The following CRY1 variants were observed in gnomAD, a reference collection of about 807,000 sequenced individuals.
CRY1 encodes cryptochrome circadian regulator 1.
A neutral mutation model predicts 76.0 loss-of-function variants in CRY1; 45 were observed. That is an observed-to-expected ratio of 0.59 (90% CI 0.47 to 0.76). The LOEUF is 0.76. Among genes scored for constraint, CRY1 ranks in the 30% least tolerant of loss-of-function variants. The pLI is 0.00. For missense variants in CRY1, 587 were observed against 716.4 expected, an observed-to-expected ratio of 0.82 and a Z score of 2.06; for synonymous variants, 248 against 244.0, an observed-to-expected ratio of 1.02 and a Z score of -0.15.
chr12:107,022,070 A>G lies in CRY1; in HGVS notation c.267+14T>C. 1 of 1,558,912 alleles carries G rather than the reference A, an allele frequency of 6.4e-7. No homozygotes were observed. Among genetic ancestry groups the G allele is most frequent in the Non-Finnish European group, 8.8e-7 (1 of 1,137,196 alleles). ...TGAGAAAAGATTGTTTTATGCAAATATTTTTCAAATTACCTTGAAAAGCCT... is the reference window on the plus strand; with the variant it reads ...TGAGAAAAGATTGTTTTATGCAAATGTTTTTCAAATTACCTTGAAAAGCCT... On this transcript the variant is annotated intron_variant, in intron 2 of 12. Coordinates refer to ENST00000008527, the MANE Select transcript of CRY1 (RefSeq NM_004075.5).
chr12:107,077,473 T>C (rs1953271051), intron 1 of CRY1, among the ~76,000 whole-genome samples: 1 of 152,176 alleles, frequency 6.6e-6, no homozygotes. Context: ...CCACGGCCAT[T>C]TAATAGGAAA....
At chr12:107,089,850 C>T (rs1953449505) in intron 1 of CRY1, among the ~76,000 whole-genome samples, 1 of 152,100 alleles carries the variant, frequency 6.6e-6, no homozygotes, top group South Asian at 2.1e-4. Context: ...CAAGATATCA[C>T]TATATTCAAC....
chr12:107,016,623 A>T (rs1281005981), intron 2 of CRY1, among the ~76,000 whole-genome samples: 1 of 152,186 alleles, frequency 6.6e-6, no homozygotes, highest in East Asian at 1.9e-4. Context: ...TCATAACTCT[A>T]GTCTTAGGGT....
intron 1 of CRY1, among the ~76,000 whole-genome samples, chr12:107,072,487 A>G (rs1953201380): frequency 6.6e-6 from 1 of 152,198 alleles, no homozygotes; most frequent in African/African-American, 2.4e-5. Context: ...CCCCTGACCC[A>G]AATTGCTTTA....
At chr12:107,024,314 T>C (rs1952585752) in intron 1 of CRY1, among the ~76,000 whole-genome samples, 1 of 152,178 alleles carries the variant, frequency 6.6e-6, no homozygotes, top group African/African-American at 2.4e-5. Flanking sequence ...AGGACATGAT[T>C]AATTCATAAA....
At chr12:107,086,927 T>G (rs922889936) in intron 1 of CRY1, among the ~76,000 whole-genome samples, 7 of 148,932 alleles carry the variant, frequency 4.7e-5, no homozygotes, top group Non-Finnish European at 8.9e-5. Flanking sequence ...GCAGTCTAAC[T>G]AAAGCCAAGA....
At chr12:107,057,068 T>C (rs1370648704) in intron 1 of CRY1, among the ~76,000 whole-genome samples, 2 of 152,012 alleles carry the variant, frequency 1.3e-5, no homozygotes, top group African/African-American at 4.8e-5. Context: ...AAAGCTATCA[T>C]GTAACAATAA....
intron 1 of CRY1, among the ~76,000 whole-genome samples, chr12:107,075,984 G>A (rs955222476): frequency 1.3e-5 from 2 of 152,092 alleles, no homozygotes; most frequent in African/African-American, 2.4e-5. Flanking sequence ...GAGAAGCCAT[G>A]GGAGGTAGAG....
intron 1 of CRY1, among the ~76,000 whole-genome samples, chr12:107,044,679 T>C (rs1284139082): frequency 1.3e-5 from 2 of 151,800 alleles, no homozygotes; most frequent in Non-Finnish European, 2.9e-5. Context: ...GAGATATAAA[T>C]AAAAAGAACC....
intron 2 of CRY1, among the ~76,000 whole-genome samples, chr12:107,012,366 A>G (rs187156482): frequency 1.3e-5 from 2 of 152,338 alleles, no homozygotes; most frequent in African/African-American, 2.4e-5. Context: ...GCCTGTGCAG[A>G]ACAGGAACAA....
chr12:107,029,520 T>C (rs1952653220), intron 1 of CRY1, among the ~76,000 whole-genome samples: 1 of 149,116 alleles, frequency 6.7e-6, no homozygotes, highest in Admixed American at 6.8e-5. Context: ...CAATTGAGCC[T>C]GGGAGGTTGA....
intron 1 of CRY1, among the ~76,000 whole-genome samples, chr12:107,034,251 T>C (rs116123496): frequency 1.6e-3 from 238 of 152,214 alleles, no homozygotes; most frequent in African/African-American, 5.1e-3. Flanking sequence ...ACTAATGCCA[T>C]GACAGTTTAC....
intron 5 of CRY1, 46 bp downstream of exon 5, chr12:107,001,234 G>T: frequency 7.4e-7 from 1 of 1,355,872 alleles, no homozygotes; most frequent in Non-Finnish European, 1.0e-6. Flanking sequence ...TTTTTAAATG[G>T]CAGTTTGGAA....
intron 2 of CRY1, among the ~76,000 whole-genome samples, chr12:107,010,738 C>A (rs1345689593): frequency 6.6e-6 from 1 of 151,988 alleles, no homozygotes; most frequent in Admixed American, 6.6e-5. Context: ...GTCACTACAC[C>A]CAGCTTTTAT....
At chr12:107,021,663 C>T (rs116282042) in intron 2 of CRY1, among the ~76,000 whole-genome samples, 1,673 of 151,956 alleles carry the variant, frequency 0.011, 35 homozygotes, top group African/African-American at 0.038. Context: ...GGGACAGTAA[C>T]ACAGACACAA....
intron 1 of CRY1, among the ~76,000 whole-genome samples, chr12:107,068,884 C>A (rs1953144602): frequency 6.6e-6 from 1 of 152,140 alleles, no homozygotes; most frequent in African/African-American, 2.4e-5. Flanking sequence ...TAGAATGTGT[C>A]TGACATCCAT....
At chr12:107,060,530 C>T (rs1003776328) in intron 1 of CRY1, among the ~76,000 whole-genome samples, 8 of 152,132 alleles carry the variant, frequency 5.3e-5, no homozygotes, top group Non-Finnish European at 1.2e-4. Context: ...GTTATAGCAG[C>T]ACACAACAGA....
At chr12:107,066,320 A>C (rs1378242304) in intron 1 of CRY1, among the ~76,000 whole-genome samples, 1 of 152,210 alleles carries the variant, frequency 6.6e-6, no homozygotes, top group Admixed American at 6.5e-5. Context: ...TTTATTTTAA[A>C]ATGGTGTACA....
chr12:107,001,534 AT>A (rs1331553037), intron 4 of CRY1, among the ~76,000 whole-genome samples, 166 bp from the exon 5 acceptor site: 1 of 152,350 alleles, frequency 6.6e-6, no homozygotes, highest in African/African-American at 2.4e-5. Flanking sequence ...CATGGTTTCA[AT>A]TTTTCAGGAT....
Sources: gnomAD v4.1 joint callset for allele counts (sites outside exome capture counted in the v4.1 genomes callset) on GRCh38, gnomAD v4.1.1 for gene constraint, MANE v1.5 for transcripts, NCBI Gene and HGNC (gene_info 2026-07-23, HGNC 2026-07-21) for gene names.